LSM14A: variants seen among roughly 807,000 people sequenced by gnomAD.
LSM14A encodes LSM14A mRNA processing body assembly factor.
A neutral mutation model predicts 52.4 loss-of-function variants in LSM14A; 14 were observed. The ratio of observed to expected loss-of-function variants is 0.27; its 90% confidence interval spans 0.18 to 0.42. LSM14A has a LOEUF of 0.42. Among genes scored for constraint, LSM14A ranks in the 10% least tolerant of loss-of-function variants. The probability of loss-of-function intolerance (pLI) is 1.00; values close to 1 mark genes in which losing one functional copy is unlikely to be tolerated. For synonymous variants in LSM14A, 185 were observed against 200.3 expected, an observed-to-expected ratio of 0.92 and a Z score of 0.64; for missense variants, 417 against 581.8, an observed-to-expected ratio of 0.72 and a Z score of 2.91.
At chr19:34,191,007 CAG>C (rs1292333180) in intron 1 of LSM14A, among the ~76,000 whole-genome samples, 1 of 151,950 alleles carries the variant, frequency 6.6e-6, no homozygotes, top group African/African-American at 2.4e-5. Context: ...TTGTCTATCT[CAG>C]GGGCAGCAGT....
rs1175537124 is a variant in LSM14A, at chr19:34,203,767, T to TA, written c.416-5161dup. On this transcript the variant is annotated intron_variant, in intron 3 of 9. Transcript: ENST00000544216. ...GCAGTGAGTTGAAATCATGCCACTG[T>TA]ACTCCAGCCTGAGCAACAGAGCGAG... Among the ~76,000 whole-genome samples the TA allele has an allele frequency of 1.4e-3, 210 of 150,388 alleles. 4 individuals are homozygous for TA. The highest frequency in any genetic ancestry group is 0.011 in the Admixed American group (172 of 15,018).
In LSM14A at chr19:34,206,661, A is replaced by C. The variant is rs145600482; in HGVS notation, c.416-2268A>C. ...CTGCACTCCAGCCTGACGACAGAGC[A>C]AGACTCCATCTCAAAAAGAAAAAAA... On this transcript the variant is annotated intron_variant, in intron 3 of 9. Coordinates refer to ENST00000544216, the MANE Select transcript of LSM14A (RefSeq NM_015578.4). 1.2e-3 allele frequency among the ~76,000 whole-genome samples: 187 copies of C among 152,240 alleles called. 4 individuals are homozygous for C. The East Asian group carries it at 0.033, about 27-fold the overall frequency.
chr19:34,182,681 CAAA>C (rs74177115), intron 1 of LSM14A, among the ~76,000 whole-genome samples: 1 of 108,776 alleles, frequency 9.2e-6, no homozygotes, highest in Non-Finnish European at 2.0e-5. Context: ...ACTAAAAATA[CAAA>C]AAAAAAAAAA....
rs542372212 is a variant in LSM14A, at chr19:34,229,122, A to G, written c.*1734A>G. On this transcript the variant is annotated 3_prime_UTR_variant, in exon 10 of 10. Transcript: ENST00000544216. ...AAAGAAAACTGTAAATACTAGTTCT[A>G]CTTGCTCTGAAATTATGAGTTTATG... 1.3e-4 allele frequency: 20 copies of G among 152,340 alleles called. No homozygotes were observed. Among genetic ancestry groups the G allele is most frequent in the African/African-American group, 3.8e-4 (16 of 41,574 alleles). 9.4% of individuals were successfully genotyped at this position (152,340 alleles called of 1,614,324 possible). A position where few individuals can be genotyped will look rare whatever the true frequency, so the allele number is the denominator to read the frequency against.
At chr19:34,225,358 A>G (rs2073287662) in intron 9 of LSM14A, among the ~76,000 whole-genome samples, 1 of 138,578 alleles carries the variant, frequency 7.2e-6, no homozygotes, top group Admixed American at 7.4e-5. Flanking sequence ...GCACCTTTAA[A>G]GGTAGAAAAT....
chr19:34,225,736 CTCTTG>C (rs1453588745), intron 9 of LSM14A, among the ~76,000 whole-genome samples: 1 of 152,178 alleles, frequency 6.6e-6, no homozygotes, highest in East Asian at 1.9e-4. Context: ...AAAACTCACT[CTCTTG>C]ACTTGTGGCC....
intron 1 of LSM14A, among the ~76,000 whole-genome samples, chr19:34,194,168 C>A (rs2070674714): frequency 6.6e-6 from 1 of 152,062 alleles, no homozygotes; most frequent in African/African-American, 2.4e-5. Context: ...GACCCAGTCT[C>A]ATCAATAAAT....
intron 5 of LSM14A, 22 bp downstream of exon 5, chr19:34,215,322 G>T: frequency 6.3e-7 from 1 of 1,584,978 alleles, no homozygotes; most frequent in Non-Finnish European, 8.6e-7. Context: ...GCTGTTTACT[G>T]TTCCTTAATT....
chr19:34,215,220 T>C lies in LSM14A; in HGVS notation c.635T>C (p.Val212Ala). The change falls in exon 5 of 10, where the codon GTT becomes GCT. Residue 212 changes from valine to alanine, a missense_variant. This residue lies in a region of LSM14A where 357 missense variants were observed against 457.0 expected (regional missense o/e 0.78). Transcript: ENST00000544216. ...GCCCACTTACCTGCTCCAGCAGCTG[T>C]TGGGAGAAGGAGTCCTGTATCAACC... The part of the protein sequence containing the change: ...ASAHLPAPAA[V>A]GRRSPVSTRP... 6.2e-7 allele frequency: 1 copy of C among 1,614,156 alleles called. No homozygotes were observed. The highest frequency in any genetic ancestry group is 8.5e-7 in the Non-Finnish European group (1 of 1,180,014).
At chr19:34,211,503 T>C (rs1166820489) in intron 4 of LSM14A, among the ~76,000 whole-genome samples, 1 of 151,888 alleles carries the variant, frequency 6.6e-6, no homozygotes, top group Non-Finnish European at 1.5e-5. Flanking sequence ...AAAAAACATA[T>C]CTTATTGCTA....
At chr19:34,195,477 C>T (rs1446909770) in intron 2 of LSM14A, among the ~76,000 whole-genome samples, 1 of 152,100 alleles carries the variant, frequency 6.6e-6, no homozygotes, top group Non-Finnish European at 1.5e-5. Context: ...TGTGCCTGGC[C>T]TGCAATGTTA....
At chr19:34,186,739 A>T (rs1237042803) in intron 1 of LSM14A, among the ~76,000 whole-genome samples, 1 of 152,198 alleles carries the variant, frequency 6.6e-6, no homozygotes, top group Non-Finnish European at 1.5e-5. Context: ...CTTGGAGCTG[A>T]TACAGGACTG....
At chr19:34,220,775 G>A (rs506298) in intron 8 of LSM14A, among the ~76,000 whole-genome samples, 53,149 of 152,012 alleles carry the variant, frequency 0.35, 9,746 homozygotes, top group African/African-American at 0.4. Context: ...CTTGGTATCG[G>A]GTCCATAGAT....
intron 9 of LSM14A, chr19:34,226,375 C>CTTTTTTTTTTT (rs528137318): frequency 7.6e-5 from 91 of 1,195,950 alleles, no homozygotes; most frequent in South Asian, 3.2e-4. Context: ...ATCTCTTTCT[C>CTTTTTTTTTTT]TTTTTTTTTT....
intron 9 of LSM14A, among the ~76,000 whole-genome samples, chr19:34,223,324 G>A (rs2073167375): frequency 6.6e-6 from 1 of 152,160 alleles, no homozygotes; most frequent in Admixed American, 6.5e-5. Context: ...CTGGGCTTAA[G>A]CGATCCTCTC....
chr19:34,215,439 A>G (rs2072507543), intron 5 of LSM14A, 139 bp downstream of exon 5: 1 of 1,157,398 alleles, frequency 8.6e-7, no homozygotes, highest in Non-Finnish European at 1.2e-6. Context: ...GGTCTTTCAA[A>G]TTTGACTCAA....
At chr19:34,182,017 T>C (rs2069516396) in intron 1 of LSM14A, among the ~76,000 whole-genome samples, 1 of 152,178 alleles carries the variant, frequency 6.6e-6, no homozygotes, top group African/African-American at 2.4e-5. Context: ...TCTCACCTCA[T>C]GTGATCCGAA....
At chr19:34,226,479 T>C (rs1419567871) in intron 9 of LSM14A, 1 of 1,507,788 alleles carries the variant, frequency 6.6e-7, no homozygotes, top group Middle Eastern at 1.7e-4. Flanking sequence ...AAAAAACAAA[T>C]ACTTTGGGAG....
intron 6 of LSM14A, among the ~76,000 whole-genome samples, chr19:34,216,536 G>A (rs1159089729): frequency 1.3e-5 from 2 of 151,840 alleles, no homozygotes; most frequent in African/African-American, 2.4e-5. Flanking sequence ...CTCAGCTCAC[G>A]GCAGCCTCCG....
Sources: allele counts gnomAD v4.1 joint callset (sites outside exome capture counted in the v4.1 genomes callset), GRCh38; gene constraint gnomAD v4.1.1; regional missense constraint gnomAD v4.1.1; transcripts MANE v1.5; gene names NCBI Gene and HGNC (gene_info 2026-07-23, HGNC 2026-07-21).